Variants in PHOX2B observed in about 807,000 individuals in gnomAD.
PHOX2B encodes the protein paired like homeobox 2B, also known as paired mesoderm homeobox protein 2B.
Under a neutral mutation model 15.5 loss-of-function variants are expected in PHOX2B, and 1 was observed. That is an observed-to-expected ratio of 0.06 (90% CI 0.02 to 0.31). The LOEUF (loss-of-function observed/expected upper bound fraction) is 0.31, where lower values mean the gene tolerates loss of function less well. Ranked by LOEUF, PHOX2B falls within the 10% of genes least tolerant of loss-of-function variation. The pLI, the probability that PHOX2B is intolerant of heterozygous loss-of-function variation, is 1.00. For missense variants in PHOX2B, 314 were observed against 436.4 expected, an observed-to-expected ratio of 0.72 and a Z score of 2.50; for synonymous variants, 206 against 190.5, an observed-to-expected ratio of 1.08 and a Z score of -0.67.
chr4:41,747,237 C>G, intron 2 of PHOX2B, 112 bp downstream of exon 2: 2 of 853,218 alleles, frequency 2.3e-6, no homozygotes, highest in Non-Finnish European at 3.8e-6. Context: ...CCATGGGGCC[C>G]TAGGTCCTTC....
At position 41,745,857 on chromosome 4, in the gene PHOX2B, G is replaced by A; in HGVS notation, c.895C>T (p.Gln299Ter). ...GPFASVLSSL[Q>*]RPNGAKAALV... is the part of the protein sequence containing the mutation. ...GCGGCTTTGGCACCGTTGGGTCTTT[G>A]GAGCGAAGATAGGACGCTGGCGAAG... is the stretch of plus-strand genomic sequence containing the variant. The change falls in exon 3 of 3, where the codon CAA becomes TAA. Residue 299 changes from glutamine to a stop codon, truncating the protein, a stop_gained. Transcript: ENST00000226382. LOFTEE classifies it high-confidence loss of function. The surrounding 1 kb of genome is among the most constrained non-coding windows in gnomAD (Gnocchi z 4.0). The A allele has an allele frequency of 6.2e-7, 1 of 1,610,342 alleles. No individual in the cohort carries two copies.
rs1237418191 is a variant in PHOX2B at position 41,745,984 on chromosome 4, T to TGCC, written c.765_767dup (p.Ala260dup). ...CAGCCAGGCCTCCAGCTGCCGCCGC[T>TGCC]GCCGCTGCCGCCGCCGCCGCTGCCG... On this transcript the variant is annotated inframe_insertion, in exon 3 of 3. Transcript: ENST00000226382. The surrounding 1 kb of genome is among the most constrained non-coding windows in gnomAD (Gnocchi z 4.0). 3.2e-6 allele frequency: 4 copies of TGCC among 1,255,374 alleles called. No homozygotes were observed. The African/African-American group carries it at 6.3e-5, about 20-fold the overall frequency. 77.8% of individuals were successfully genotyped at this position (1,255,374 alleles called of 1,614,324 possible). A position where few individuals can be genotyped will look rare whatever the true frequency, so the allele number is the denominator to read the frequency against.
intron 2 of PHOX2B, among the ~76,000 whole-genome samples, chr4:41,746,997 G>T (rs560874096): frequency 6.6e-6 from 1 of 151,858 alleles, no homozygotes; most frequent in South Asian, 2.1e-4. Flanking sequence ...GCATTTTTTT[G>T]GGGGGCGGGA....
rs756699047 is a variant in PHOX2B, at chr4:41,744,435, A to G, written c.*1372T>C. On this transcript the variant is annotated 3_prime_UTR_variant, in exon 3 of 3. Transcript: ENST00000226382. Reference sequence around the variant, plus strand: ...AACATTATACGGTCACGTAGAGGAGACAGTCTGCACTGATATTAACACGAT... The same window carrying G: ...AACATTATACGGTCACGTAGAGGAGGCAGTCTGCACTGATATTAACACGAT... The G allele has an allele frequency of 2.6e-5, 6 of 232,258 alleles. No individual in the cohort carries two copies. Among genetic ancestry groups the G allele is most frequent in the Non-Finnish European group, 4.3e-5 (5 of 117,284 alleles). The allele number at this position is 232,258 out of a possible 1,614,324, so 14.4% of individuals were successfully genotyped here. A position where few individuals can be genotyped will look rare whatever the true frequency, so the allele number is the denominator to read the frequency against.
chr4:41,747,203 A>G (rs2153112905), intron 2 of PHOX2B, 146 bp downstream of exon 2: 1 of 681,916 alleles, frequency 1.5e-6, no homozygotes, highest in South Asian at 1.8e-5. Flanking sequence ...GCACAGCCAC[A>G]CCAAATCCAG....
In PHOX2B at chr4:41,745,240, C is replaced by A. The variant is rs1733846280; in HGVS notation, c.*567G>T. 1 of 233,610 alleles carries A rather than the reference C, an allele frequency of 4.3e-6. No individual in the cohort carries two copies. Among genetic ancestry groups the A allele is most frequent in the Non-Finnish European group, 8.4e-6 (1 of 118,402 alleles). The allele number at this position is 233,610 out of a possible 1,614,324, so 14.5% of individuals were successfully genotyped here. On this transcript the variant is annotated 3_prime_UTR_variant, in exon 3 of 3. Transcript: ENST00000226382. This position sits in a 1 kb window ranked among gnomAD's most constrained non-coding sequence, Gnocchi z 4.0. ...GCTCCAGCTGCAGCTTCTCCCCTAG[C>A]CCCTCCTTTAATTTGTCTTTTTTTT...
chr4:41,744,765 C>A lies in PHOX2B; in HGVS notation c.*1042G>T, dbSNP rs184952230. ...CCAGTTACGTGGACTGCAATTGACC[C>A]CAATCCAAAGCAGTGCCAAAAAGTT... On this transcript the variant is annotated 3_prime_UTR_variant, in exon 3 of 3. Coordinates refer to ENST00000226382, the MANE Select transcript of PHOX2B (RefSeq NM_003924.4). 8.4e-4 allele frequency: 197 copies of A among 233,550 alleles called. No homozygotes were observed. The highest frequency in any genetic ancestry group is 3.6e-3 in the Admixed American group (64 of 17,796). 14.5% of individuals were successfully genotyped at this position (233,550 alleles called of 1,614,324 possible).
Position 41,748,393 on chromosome 4 carries a change from T to C in PHOX2B, c.218A>G (p.His73Arg). The C allele has an allele frequency of 6.2e-7, 1 of 1,614,138 alleles. No individual in the cohort carries two copies. Among genetic ancestry groups the C allele is most frequent in the Non-Finnish European group, 8.5e-7 (1 of 1,179,998 alleles). Residue 73 changes from histidine (H) to arginine (R), a missense_variant, in exon 1 of 3, where the codon CAC becomes CGC. Physicochemically the swap from His to Arg is conservative, Grantham distance 29. This residue lies in a region of PHOX2B where 102 missense variants were observed against 155.1 expected (regional missense o/e 0.66). Transcript: ENST00000226382. ...GSCSLGTLRD[H>R]QSSPYAAVPY... ...ACCTGCGGCGTACGGACTGCTCTGG[T>C]GGTCCCTGAGGGTGCCCAGGCTGCA... is the stretch of plus-strand genomic sequence containing the variant.
In PHOX2B at chr4:41,745,081, A is replaced by G; in HGVS notation, c.*726T>C. 4.3e-6 allele frequency: 1 copy of G among 232,980 alleles called. No homozygotes were observed. The allele number at this position is 232,980 out of a possible 1,614,324, so 14.4% of individuals were successfully genotyped here. On this transcript the variant is annotated 3_prime_UTR_variant, in exon 3 of 3. Coordinates refer to ENST00000226382, the MANE Select transcript of PHOX2B (RefSeq NM_003924.4). The surrounding 1 kb of genome is among the most constrained non-coding windows in gnomAD (Gnocchi z 4.0). ...GACAGTCTGAGCAAGTCGTCGCCGC[A>G]GTGACCCGAACCCAAGGACACGATA...
At position 41,745,766 on chromosome 4, in the gene PHOX2B, G is replaced by C; in HGVS notation, c.*41C>G. ...CACTCGCCCGCCCGGGCCCTGGCTC[G>C]CCCGCTGTCGCCGCCGCCGCCGCCG... On this transcript the variant is annotated 3_prime_UTR_variant, in exon 3 of 3. Transcript: ENST00000226382. This position sits in a 1 kb window ranked among gnomAD's most constrained non-coding sequence, Gnocchi z 4.0. 1.9e-6 allele frequency: 3 copies of C among 1,579,978 alleles called. No homozygotes were observed. Among genetic ancestry groups the C allele is most frequent in the Non-Finnish European group, 2.6e-6 (3 of 1,165,244 alleles).
chr4:41,745,153 C>A lies in PHOX2B; in HGVS notation c.*654G>T, dbSNP rs1733842638. ...TCCCTACTCTTCCCTGAAGAAGAGC[C>A]CCAAGAGAATCCGTGCTGTTAGGAG... On this transcript the variant is annotated 3_prime_UTR_variant, in exon 3 of 3. Coordinates refer to ENST00000226382, the MANE Select transcript of PHOX2B (RefSeq NM_003924.4). This position sits in a 1 kb window ranked among gnomAD's most constrained non-coding sequence, Gnocchi z 4.0. 4.3e-6 allele frequency: 1 copy of A among 233,064 alleles called. No homozygotes were observed. Among genetic ancestry groups the A allele is most frequent in the African/African-American group, 2.2e-5 (1 of 45,314 alleles). The allele number at this position is 233,064 out of a possible 1,614,324, so 14.4% of individuals were successfully genotyped here. A position where few individuals can be genotyped will look rare whatever the true frequency, so the allele number is the denominator to read the frequency against.
At chr4:41,746,445 C>G (rs1028033865) in intron 2 of PHOX2B, 123 bp from the exon 3 acceptor site, 1 of 903,382 alleles carries the variant, frequency 1.1e-6, no homozygotes, top group Non-Finnish European at 1.7e-6. Context: ...CCTCCCCATG[C>G]GCTGTGATCA....
At chr4:41,746,752 G>C (rs1421663158) in intron 2 of PHOX2B, among the ~76,000 whole-genome samples, 2 of 152,166 alleles carry the variant, frequency 1.3e-5, no homozygotes, top group Non-Finnish European at 2.9e-5. Context: ...GCCCATCCCC[G>C]GCCTTTGAGC....
chr4:41,747,616 C>T (rs765998795), intron 1 of PHOX2B, 80 bp from the exon 2 acceptor site: 16 of 1,203,284 alleles, frequency 1.3e-5, no homozygotes, highest in Non-Finnish European at 1.7e-5. Context: ...GTGAGGACTC[C>T]AAGGTCAGGT....
rs908839332 is a variant in PHOX2B at position 41,748,722 on chromosome 4, G to T, written c.-112C>A. 4 of 989,422 alleles carry T rather than the reference G, an allele frequency of 4.0e-6. No individual in the cohort carries two copies. In the African/African-American group the frequency reaches 4.8e-5, roughly 12 times the overall value. The allele number at this position is 989,422 out of a possible 1,614,324, so 61.3% of individuals were successfully genotyped here. ...CAGCTCAACGCCTGCCTCCAAACTG[G>T]CCTCCTTACTACCAGCAGAGCCTAG... is the stretch of plus-strand genomic sequence containing the variant. On this transcript the variant is annotated 5_prime_UTR_variant, in exon 1 of 3. Coordinates refer to ENST00000226382, the MANE Select transcript of PHOX2B (RefSeq NM_003924.4).
rs1187197636 is a variant in PHOX2B at position 41,745,236 on chromosome 4, CT to C, written c.*570del. 3.4e-5 allele frequency: 8 copies of C among 233,648 alleles called. No homozygotes were observed. The highest frequency in any genetic ancestry group is 2.2e-4 in the Admixed American group (4 of 17,788). 14.5% of individuals were successfully genotyped at this position (233,648 alleles called of 1,614,324 possible). The stretch of plus-strand genomic sequence containing the variant: ...TTCAGCTCCAGCTGCAGCTTCTCCC[CT>C]AGCCCCTCCTTTAATTTGTCTTTTT... On this transcript the variant is annotated 3_prime_UTR_variant, in exon 3 of 3. Transcript: ENST00000226382. This position sits in a 1 kb window ranked among gnomAD's most constrained non-coding sequence, Gnocchi z 4.0.
At chr4:41,748,171 G>A in intron 1 of PHOX2B, 199 bp downstream of exon 1, 1 of 617,272 alleles carries the variant, frequency 1.6e-6, no homozygotes, top group South Asian at 2.1e-5. Context: ...TGGCGGTTCG[G>A]GTGTGACTAG....
chr4:41,747,558 A>G (rs1285210546), intron 1 of PHOX2B, 22 bp from the exon 2 acceptor site: 1 of 1,597,694 alleles, frequency 6.3e-7, no homozygotes, highest in Non-Finnish European at 8.5e-7. Context: ...CAGAGGAGAC[A>G]GAAAGTGAGC....
At position 41,745,156 on chromosome 4, in the gene PHOX2B, A is replaced by G. The variant is rs1283221028; in HGVS notation, c.*651T>C. The G allele has an allele frequency of 8.6e-6, 2 of 233,042 alleles. No homozygotes were observed. The highest frequency in any genetic ancestry group is 1.7e-5 in the Non-Finnish European group (2 of 118,046). 14.4% of individuals were successfully genotyped at this position (233,042 alleles called of 1,614,324 possible). On this transcript the variant is annotated 3_prime_UTR_variant, in exon 3 of 3. Coordinates refer to ENST00000226382, the MANE Select transcript of PHOX2B (RefSeq NM_003924.4). The surrounding 1 kb of genome is among the most constrained non-coding windows in gnomAD (Gnocchi z 4.0). ...CTACTCTTCCCTGAAGAAGAGCCCC[A>G]AGAGAATCCGTGCTGTTAGGAGGGA...
Sources: gnomAD v4.1 joint callset for allele counts (sites outside exome capture counted in the v4.1 genomes callset) on GRCh38, gnomAD v4.1.1 for gene constraint, gnomAD v4.1.1 regional missense constraint, Gnocchi (gnomAD v3.1) non-coding constraint, MANE v1.5 for transcripts, NCBI Gene and HGNC (gene_info 2026-07-23, HGNC 2026-07-21) for gene names.